The following WNT3 variants were observed in gnomAD, a reference collection of about 807,000 sequenced individuals.
The protein encoded by WNT3 is Wnt family member 3, also known as proto-oncogene Wnt-3.
A neutral mutation model predicts 34.2 loss-of-function variants in WNT3; 7 were observed. That is an observed-to-expected ratio of 0.20 (90% CI 0.12 to 0.38). The LOEUF (loss-of-function observed/expected upper bound fraction) is 0.38. Among genes scored for constraint, WNT3 ranks in the 10% least tolerant of loss-of-function variants. The pLI is 1.00. For missense variants in WNT3, 267 were observed against 499.8 expected (o/e 0.53, Z 4.44); for synonymous variants, 212 against 211.5 (o/e 1.00, Z -0.02).
At position 46,818,535 on chromosome 17, in the gene WNT3, A is replaced by C. The variant is rs771040990; in HGVS notation, c.63T>G (p.Ala21=). ...GLLLGGTRVL[A]GYPIWWSLAL... ...AGTCTTACCACCAAATTGGGTAGCC[A>C]GCGAGGACCCTGGTGCCACCGAGCA... Residue 21 remains alanine, a synonymous_variant, in exon 1 of 5, where the codon GCT becomes GCG. Coordinates refer to ENST00000225512, the MANE Select transcript of WNT3 (RefSeq NM_030753.5). 19 of 1,608,348 alleles carry C rather than the reference A, an allele frequency of 1.2e-5. No individual in the cohort carries two copies. Among genetic ancestry groups the C allele is most frequent in the Middle Eastern group, 1.7e-4 (1 of 5,914 alleles).
chr17:46,773,824 G>C lies in WNT3; in HGVS notation c.166C>G (p.Leu56Val). 1 of 1,613,482 alleles carries C rather than the reference G, an allele frequency of 6.2e-7. No homozygotes were observed. Among genetic ancestry groups the C allele is most frequent in the Non-Finnish European group, 8.5e-7 (1 of 1,180,020 alleles). ...GSIPGLVPKQ[L>V]RFCRNYIEIM... ...TCGATGTAATTGCGGCAGAAGCGCA[G>C]TTGCTTGGGGACCAGGCCTGGGATG... The change falls in exon 2 of 5, where the codon CTG becomes GTG. Residue 56 changes from leucine to valine, a missense_variant. Leu to Val is a conservative substitution (Grantham distance 32). Transcript: ENST00000225512.
intron 1 of WNT3, among the ~76,000 whole-genome samples, chr17:46,803,855 A>T (rs2084158366): frequency 6.6e-6 from 1 of 152,248 alleles, no homozygotes; most frequent in Non-Finnish European, 1.5e-5. Context: ...TGTCTGGGCC[A>T]GATACTCCAG....
intron 2 of WNT3, among the ~76,000 whole-genome samples, chr17:46,772,804 G>A (rs1429878468): frequency 7.6e-6 from 1 of 130,760 alleles, no homozygotes; most frequent in Non-Finnish European, 1.6e-5. Flanking sequence ...TCACCTGAAC[G>A]TCAGATCCCT....
chr17:46,782,906 T>C (rs891884600), intron 1 of WNT3, among the ~76,000 whole-genome samples: 4 of 152,200 alleles, frequency 2.6e-5, no homozygotes, highest in Admixed American at 6.5e-5. Context: ...GACATTTCAG[T>C]GCAGGGCCAA....
At chr17:46,808,802 TAA>T (rs527819038) in intron 1 of WNT3, among the ~76,000 whole-genome samples, 1 of 150,836 alleles carries the variant, frequency 6.6e-6, no homozygotes, top group East Asian at 1.9e-4. Flanking sequence ...GAACTGGGAT[TAA>T]AAAAAAAGAA....
intron 1 of WNT3, among the ~76,000 whole-genome samples, chr17:46,798,574 G>A (rs144103360): frequency 7.2e-4 from 109 of 152,230 alleles, no homozygotes; most frequent in African/African-American, 2.5e-3. Flanking sequence ...GCCCTCTCTC[G>A]CCTAAAGGTT....
At chr17:46,777,967 C>T (rs774601217) in intron 1 of WNT3, among the ~76,000 whole-genome samples, 27 of 152,354 alleles carry the variant, frequency 1.8e-4, no homozygotes, top group Middle Eastern at 6.8e-3. Flanking sequence ...CCATCCAGCT[C>T]TACCACTTCC....
rs748306487 is a variant in WNT3 at position 46,768,572 on chromosome 17, C to T, written c.816G>A (p.Arg272=). 5.0e-6 allele frequency: 8 copies of T among 1,614,044 alleles called. No individual in the cohort carries two copies. Among genetic ancestry groups the T allele is most frequent in the Non-Finnish European group, 6.8e-6 (8 of 1,180,042 alleles). The change falls in exon 4 of 5, where the codon AGG becomes AGA. Residue 272 remains arginine (R), a synonymous_variant. Coordinates refer to ENST00000225512, the MANE Select transcript of WNT3 (RefSeq NM_030753.5). The surrounding 1 kb of genome is among the most constrained non-coding windows in gnomAD (Gnocchi z 5.0). ...GGGAGTTCTCGTAGTAGACCAGGTC[C>T]CTCTCCGTGGGTGGCTTGAAGAGCG... The part of the protein sequence containing the change: ...KYSLFKPPTE[R]DLVYYENSPN...
chr17:46,786,448 C>T lies in WNT3; in HGVS notation c.81-12539G>A, dbSNP rs922017110. 7.2e-5 allele frequency among the ~76,000 whole-genome samples: 11 copies of T among 152,152 alleles called. 1 individual carries two copies. Among genetic ancestry groups the T allele is most frequent in the Admixed American group, 1.3e-4 (2 of 15,274 alleles). On this transcript the variant is annotated intron_variant, in intron 1 of 4. Coordinates refer to ENST00000225512, the MANE Select transcript of WNT3 (RefSeq NM_030753.5). The stretch of plus-strand genomic sequence containing the variant: ...GAAGGGCCTAGGCCCAGAGGGGTGT[C>T]CAGAGACGGGTAAAAGGCAGGGACC...
In WNT3 at chr17:46,773,623, T is replaced by TTC; in HGVS notation, c.322+44_322+45insGA. 2.9e-4 allele frequency: 112 copies of TTC among 383,428 alleles called. 1 individual carries two copies. Among genetic ancestry groups the TTC allele is most frequent in the Middle Eastern group, 8.8e-4 (1 of 1,130 alleles). The allele number at this position is 383,428 out of a possible 1,614,324, so 23.8% of individuals were successfully genotyped here. ...TGGAAGGGCATACAGTCCTGATCCC[T>TTC]CCCCCCACCCAGCCCCTCCCCCCCC... is the stretch of plus-strand genomic sequence containing the variant. On this transcript the variant is annotated intron_variant, in intron 2 of 4. Transcript: ENST00000225512.
intron 1 of WNT3, among the ~76,000 whole-genome samples, chr17:46,777,310 T>C (rs914514242): frequency 6.6e-6 from 1 of 152,196 alleles, no homozygotes; most frequent in African/African-American, 2.4e-5. Flanking sequence ...CCGGCTGGCT[T>C]GGGGGACTGA....
chr17:46,812,901 A>C (rs1302310487), intron 1 of WNT3, among the ~76,000 whole-genome samples: 1 of 152,174 alleles, frequency 6.6e-6, no homozygotes, highest in African/African-American at 2.4e-5. Flanking sequence ...TCATTTTCAA[A>C]ACCCTATGAA....
chr17:46,773,771 C>T lies in WNT3; in HGVS notation c.219G>A (p.Val73=), dbSNP rs1422468238. 1 of 1,613,408 alleles carries T rather than the reference C, an allele frequency of 6.2e-7. No homozygotes were observed. Among genetic ancestry groups the T allele is most frequent in the Admixed American group, 1.7e-5 (1 of 60,026 alleles). ...GCTGGCACTCCTGGATGCCCAGCTTCACGCCCTCGGCCACGCTGGGCATGA... is the reference window on the plus strand; with the variant it reads ...GCTGGCACTCCTGGATGCCCAGCTTTACGCCCTCGGCCACGCTGGGCATGA... ...IEIMPSVAEG[V]KLGIQECQHQ... is the part of the protein sequence containing the mutation. Residue 73 remains valine (V), a synonymous_variant, in exon 2 of 5, where the codon GTG becomes GTA. Coordinates refer to ENST00000225512, the MANE Select transcript of WNT3 (RefSeq NM_030753.5).
intron 1 of WNT3, among the ~76,000 whole-genome samples, chr17:46,800,955 C>T (rs1395972144): frequency 6.6e-6 from 1 of 152,126 alleles, no homozygotes; most frequent in Non-Finnish European, 1.5e-5. Context: ...CACAGAGGCA[C>T]GGAGAAGTGA....
intron 1 of WNT3, among the ~76,000 whole-genome samples, chr17:46,807,010 G>A (rs1476831187): frequency 6.6e-6 from 1 of 152,224 alleles, no homozygotes; most frequent in Non-Finnish European, 1.5e-5. Flanking sequence ...GGAACCAGTT[G>A]TGAAGGGAGC....
intron 4 of WNT3, 83 bp from the exon 5 acceptor site, chr17:46,764,704 C>G (rs993011259): frequency 6.6e-6 from 1 of 152,276 alleles, no homozygotes; most frequent in African/African-American, 2.4e-5. Flanking sequence ...TCAGAGGCTG[C>G]TGATGGATCT....
chr17:46,814,015 C>G (rs1252683592), intron 1 of WNT3, among the ~76,000 whole-genome samples: 1 of 152,194 alleles, frequency 6.6e-6, no homozygotes, highest in Non-Finnish European at 1.5e-5. Flanking sequence ...GCAGCAAGCA[C>G]CTCCTAAAGG....
rs199742069 is a variant in WNT3, at chr17:46,818,626, C to T, written c.-29G>A. 6.5e-4 allele frequency: 1,021 copies of T among 1,572,104 alleles called. 10 individuals are homozygous for T. Among genetic ancestry groups the T allele is most frequent in the Middle Eastern group, 4.3e-3 (26 of 6,018 alleles). On this transcript the variant is annotated 5_prime_UTR_variant, in exon 1 of 5. Transcript: ENST00000225512. Reference sequence around the variant, plus strand: ...AAGAGGCGCCGAGGAGGAAGTTTGCCCGCGACCATGAAGAGGGGGAGCGAC... The same window carrying T: ...AAGAGGCGCCGAGGAGGAAGTTTGCTCGCGACCATGAAGAGGGGGAGCGAC...
rs2059284336 is a variant in WNT3, at chr17:46,763,365, G to GAGT, written c.*1262_*1264dup. 6.6e-6 allele frequency: 1 copy of GAGT among 152,166 alleles called. No homozygotes were observed. Among genetic ancestry groups the GAGT allele is most frequent in the African/African-American group, 2.4e-5 (1 of 41,436 alleles). The allele number at this position is 152,166 out of a possible 1,614,324, so 9.4% of individuals were successfully genotyped here. A position where few individuals can be genotyped will look rare whatever the true frequency, so the allele number is the denominator to read the frequency against. ...CAGCCGTGAGATGCTTCACCTAAGG[G>GAGT]AGTAGGTGACTGCTGGTTCCCCTTT... is the stretch of plus-strand genomic sequence containing the variant. On this transcript the variant is annotated 3_prime_UTR_variant, in exon 5 of 5. Transcript: ENST00000225512.
Sources: gnomAD v4.1 joint callset for allele counts (sites outside exome capture counted in the v4.1 genomes callset) on GRCh38, gnomAD v4.1.1 for gene constraint, Gnocchi (gnomAD v3.1) non-coding constraint, MANE v1.5 for transcripts, NCBI Gene and HGNC (gene_info 2026-07-23, HGNC 2026-07-21) for gene names.